The following PTCHD4 variants were observed in gnomAD, a reference collection of about 807,000 sequenced individuals.
PTCHD4 encodes patched domain containing 4.
Under a neutral mutation model 58.1 loss-of-function variants are expected in PTCHD4, and 33 were observed. That is an observed-to-expected ratio of 0.57 (90% CI 0.43 to 0.76). The LOEUF is 0.76. Ranked by LOEUF, PTCHD4 falls within the 30% of genes least tolerant of loss-of-function variation. The pLI, the probability that PTCHD4 is intolerant of heterozygous loss-of-function variation, is 0.00. For synonymous variants in PTCHD4, 478 were observed against 409.6 expected, an observed-to-expected ratio of 1.17 and a Z score of -2.02; for missense variants, 1,058 against 1,027.1, an observed-to-expected ratio of 1.03 and a Z score of -0.41.
chr6:47,862,684 T>C lies in PTCHD4; in HGVS notation c.*15619A>G, dbSNP rs1763457437. Reference sequence around the variant, plus strand: ...AATCATTTTTCCTTAAGTATTCTTTTCTTCTATTAGGTTATAAATTACTCA... The same window carrying C: ...AATCATTTTTCCTTAAGTATTCTTTCCTTCTATTAGGTTATAAATTACTCA... On this transcript the variant is annotated 3_prime_UTR_variant, in exon 5 of 5. Coordinates refer to ENST00000339488, the MANE Select transcript of PTCHD4 (RefSeq NM_001384253.1). Among the ~76,000 whole-genome samples the C allele has an allele frequency of 6.6e-6, 1 of 151,898 alleles. No individual in the cohort carries two copies. Among genetic ancestry groups the C allele is most frequent in the Non-Finnish European group, 1.5e-5 (1 of 67,860 alleles).
At chr6:47,889,072 G>C (rs1186305984) in intron 4 of PTCHD4, among the ~76,000 whole-genome samples, 21 of 32,266 alleles carry the variant, frequency 6.5e-4, no homozygotes, top group Non-Finnish European at 1.2e-3. Flanking sequence ...GGACATTTGG[G>C]TTGGTTCCAA....
chr6:48,092,450 A>G lies in PTCHD4; in HGVS notation c.-970+18599T>C, dbSNP rs575535842. ...AGAGGTATTAAGATGAGAGAATATT[A>G]AGATAATAAGCTGTGGTGAAATAAC... On this transcript the variant is annotated intron_variant, in intron 1 of 4. Coordinates refer to ENST00000339488, the MANE Select transcript of PTCHD4 (RefSeq NM_001384253.1). Among the ~76,000 whole-genome samples the G allele has an allele frequency of 7.2e-5, 11 of 152,324 alleles. No homozygotes were observed. In the East Asian group the frequency reaches 2.1e-3, roughly 29 times the overall value.
chr6:48,042,025 G>T (rs1274668212), intron 3 of PTCHD4, among the ~76,000 whole-genome samples: 16 of 152,006 alleles, frequency 1.1e-4, no homozygotes, highest in Non-Finnish European at 1.9e-4. Context: ...GGCACTCAAG[G>T]TCATAACTGC....
At chr6:48,066,858 C>T (rs1475808942) in intron 3 of PTCHD4, among the ~76,000 whole-genome samples, 1 of 149,878 alleles carries the variant, frequency 6.7e-6, no homozygotes, top group Admixed American at 6.6e-5. Flanking sequence ...TTTCTAAGTG[C>T]ATTAAATCCT....
chr6:47,881,105 G>A (rs1764009918), intron 4 of PTCHD4, among the ~76,000 whole-genome samples: 1 of 152,128 alleles, frequency 6.6e-6, no homozygotes, highest in Non-Finnish European at 1.5e-5. Context: ...ATTAGACAAA[G>A]ACATAGCTGA....
rs1763486435 is a variant in PTCHD4, at chr6:47,863,707, G to T, written c.*14596C>A. Among the ~76,000 whole-genome samples the T allele has an allele frequency of 6.6e-6, 1 of 151,952 alleles. No homozygotes were observed. Among genetic ancestry groups the T allele is most frequent in the Non-Finnish European group, 1.5e-5 (1 of 67,932 alleles). On this transcript the variant is annotated 3_prime_UTR_variant, in exon 5 of 5. Coordinates refer to ENST00000339488, the MANE Select transcript of PTCHD4 (RefSeq NM_001384253.1). ...CTAGTTCTAGTATACAGTGGTTCTA[G>T]TTAAACCAGTCTATAACAGGACTTC...
chr6:47,901,965 A>G, intron 4 of PTCHD4: 2 of 1,255,558 alleles, frequency 1.6e-6, no homozygotes, highest in East Asian at 1.1e-4. Flanking sequence ...AGTCAGTAAC[A>G]AGAGTTATGT....
At chr6:47,915,475 C>T (rs185132581) in intron 4 of PTCHD4, among the ~76,000 whole-genome samples, 1 of 151,796 alleles carries the variant, frequency 6.6e-6, no homozygotes, top group Admixed American at 6.6e-5. Context: ...GCATCTTTCG[C>T]AGATTAAAGG....
chr6:47,860,850 T>A lies in PTCHD4; in HGVS notation c.*17453A>T, dbSNP rs562346787. Among the ~76,000 whole-genome samples the A allele has an allele frequency of 6.6e-5, 10 of 152,160 alleles. No individual in the cohort carries two copies. The South Asian group carries it at 2.1e-3, about 32-fold the overall frequency. ...TGGCGATAAAATACTTTCATAAAAA[T>A]TATTTATCCTGAGATAAACTCTTTA... is the stretch of plus-strand genomic sequence containing the variant. On this transcript the variant is annotated 3_prime_UTR_variant, in exon 5 of 5. Coordinates refer to ENST00000339488, the MANE Select transcript of PTCHD4 (RefSeq NM_001384253.1).
intron 4 of PTCHD4, among the ~76,000 whole-genome samples, chr6:47,883,204 A>T (rs890300451): frequency 6.6e-6 from 1 of 152,210 alleles, no homozygotes; most frequent in Non-Finnish European, 1.5e-5. Flanking sequence ...AAGGAACACA[A>T]TCTTTTTCAA....
At chr6:48,092,416 C>A (rs937893341) in intron 1 of PTCHD4, among the ~76,000 whole-genome samples, 1 of 152,062 alleles carries the variant, frequency 6.6e-6, no homozygotes, top group Non-Finnish European at 1.5e-5. Flanking sequence ...GATCCATCGG[C>A]CAGTATTGAG....
At chr6:47,925,884 G>T (rs1335062076) in intron 4 of PTCHD4, among the ~76,000 whole-genome samples, 1 of 152,110 alleles carries the variant, frequency 6.6e-6, no homozygotes, top group Non-Finnish European at 1.5e-5. Flanking sequence ...TACAGAACAG[G>T]TTCTGGGGAT....
At chr6:47,940,277 A>G (rs1766162148) in intron 4 of PTCHD4, among the ~76,000 whole-genome samples, 1 of 151,316 alleles carries the variant, frequency 6.6e-6, no homozygotes, top group Admixed American at 6.6e-5. Context: ...CATTGAGTTT[A>G]AATTATCTAG....
intron 3 of PTCHD4, among the ~76,000 whole-genome samples, chr6:48,020,571 A>G (rs1211206730): frequency 6.6e-6 from 1 of 152,094 alleles, no homozygotes; most frequent in African/African-American, 2.4e-5. Flanking sequence ...AATATCTGGG[A>G]AAGTGCATTG....
At chr6:47,905,075 A>ACACACACG (rs1394821678) in intron 4 of PTCHD4, among the ~76,000 whole-genome samples, 1 of 151,956 alleles carries the variant, frequency 6.6e-6, no homozygotes, top group Non-Finnish European at 1.5e-5. Flanking sequence ...ACACACACAC[A>ACACACACG]CACACACACA....
chr6:48,012,788 GTTTAATTTTA>G (rs1439242976), intron 3 of PTCHD4, among the ~76,000 whole-genome samples: 1 of 152,142 alleles, frequency 6.6e-6, no homozygotes, highest in Non-Finnish European at 1.5e-5. Context: ...ATGAAGGGGT[GTTTAATTTTA>G]TTGAAGACCT....
At chr6:47,921,215 T>C (rs374530765) in intron 4 of PTCHD4, among the ~76,000 whole-genome samples, 13 of 152,302 alleles carry the variant, frequency 8.5e-5, no homozygotes, top group African/African-American at 2.9e-4. Flanking sequence ...TTATTCAGCA[T>C]TTTTTTCTTT....
chr6:47,978,281 T>C lies in PTCHD4; in HGVS notation c.898+30353A>G, dbSNP rs577688620. Among the ~76,000 whole-genome samples the C allele has an allele frequency of 5.3e-5, 8 of 152,284 alleles. No homozygotes were observed. The South Asian group carries it at 1.7e-3, about 32-fold the overall frequency. On this transcript the variant is annotated intron_variant, in intron 4 of 4. Transcript: ENST00000339488. ...AATATTAGTCCAACACTACTACTATTACTGCTACTCACAGTTCTTACTCTA... is the reference window on the plus strand; with the variant it reads ...AATATTAGTCCAACACTACTACTATCACTGCTACTCACAGTTCTTACTCTA...
At chr6:48,002,642 G>A (rs1582001243) in intron 4 of PTCHD4, among the ~76,000 whole-genome samples, 2 of 151,952 alleles carry the variant, frequency 1.3e-5, no homozygotes, top group South Asian at 4.1e-4. Flanking sequence ...ATAGCATTAG[G>A]AGATATACCT....
Sources: allele counts gnomAD v4.1 joint callset (sites outside exome capture counted in the v4.1 genomes callset), GRCh38; gene constraint gnomAD v4.1.1; transcripts MANE v1.5; gene names NCBI Gene and HGNC (gene_info 2026-07-23, HGNC 2026-07-21).